The following PRKN variants were observed in gnomAD, a reference collection of about 807,000 sequenced individuals.
PRKN encodes E3 ubiquitin-protein ligase parkin.
PRKN carries 56 observed loss-of-function variants against 59.5 expected under a neutral mutation model. The ratio of observed to expected loss-of-function variants is 0.94; its 90% CI spans 0.76 to 1.18. The LOEUF (loss-of-function observed/expected upper bound fraction) is 1.18, where lower values mean the gene tolerates loss of function less well. Ranked by LOEUF, PRKN falls within the 50% of genes most tolerant of loss-of-function variation. PRKN has a pLI of 0.00. For missense variants in PRKN, 657 were observed against 596.4 expected, an observed-to-expected ratio of 1.10 and a Z score of -1.06; for synonymous variants, 250 against 222.1, an observed-to-expected ratio of 1.13 and a Z score of -1.12.
chr6:162,057,923 A>T (rs1220425696), intron 4 of PRKN, among the ~76,000 whole-genome samples: 2 of 152,214 alleles, frequency 1.3e-5, no homozygotes, highest in African/African-American at 4.8e-5. Context: ...CATATTCAAC[A>T]GAGGATTTTA....
chr6:162,707,521 T>G (rs771978486), intron 1 of PRKN, among the ~76,000 whole-genome samples: 15 of 152,174 alleles, frequency 9.9e-5, no homozygotes, highest in Non-Finnish European at 2.1e-4. Flanking sequence ...TGTATTGATT[T>G]TAAAAATTTC....
intron 7 of PRKN, among the ~76,000 whole-genome samples, chr6:161,577,528 C>T (rs930618979): frequency 2.0e-5 from 3 of 152,212 alleles, no homozygotes; most frequent in Admixed American, 1.3e-4. Flanking sequence ...AATTAGTAGA[C>T]ATAACTTATC....
chr6:161,558,084 C>T (rs1000068201), intron 8 of PRKN, among the ~76,000 whole-genome samples: 1 of 152,156 alleles, frequency 6.6e-6, no homozygotes, highest in Non-Finnish European at 1.5e-5. Context: ...CTTTGCTGCT[C>T]GGTTAATTCT....
chr6:161,854,318 A>C (rs1257707690), intron 6 of PRKN, among the ~76,000 whole-genome samples: 2 of 152,036 alleles, frequency 1.3e-5, no homozygotes, highest in Non-Finnish European at 2.9e-5. Flanking sequence ...TTAAGATTAA[A>C]AAATATTAAA....
intron 2 of PRKN, among the ~76,000 whole-genome samples, chr6:162,381,523 A>C (rs1251626206): frequency 6.6e-6 from 1 of 152,190 alleles, no homozygotes; most frequent in African/African-American, 2.4e-5. Context: ...TTATAATTAC[A>C]GTAGCTTAAA....
At chr6:162,540,714 C>T (rs1025637415) in intron 1 of PRKN, among the ~76,000 whole-genome samples, 4 of 149,158 alleles carry the variant, frequency 2.7e-5, no homozygotes, top group Non-Finnish European at 4.4e-5. Context: ...GGCTGAGGCA[C>T]GAGAATCACT....
At chr6:162,006,699 T>C (rs7755404) in intron 5 of PRKN, among the ~76,000 whole-genome samples, 84,932 of 152,000 alleles carry the variant, frequency 0.56, 23,883 homozygotes, top group Admixed American at 0.62. Context: ...CCTTTGCACA[T>C]CTGGCTCAAT....
intron 9 of PRKN, among the ~76,000 whole-genome samples, chr6:161,534,405 A>G (rs495991): frequency 0.84 from 127,714 of 152,142 alleles, 53,850 homozygotes; most frequent in Middle Eastern, 0.88. Context: ...GAATGCAGGC[A>G]TCGTTGCTGA....
At chr6:162,435,316 C>T (rs560035127) in intron 2 of PRKN, among the ~76,000 whole-genome samples, 23 of 152,082 alleles carry the variant, frequency 1.5e-4, no homozygotes, top group African/African-American at 3.6e-4. Context: ...GACTATATAT[C>T]TTCAGCATCT....
At chr6:162,607,122 T>C (rs972378423) in intron 1 of PRKN, among the ~76,000 whole-genome samples, 1 of 152,146 alleles carries the variant, frequency 6.6e-6, no homozygotes, top group Non-Finnish European at 1.5e-5. Context: ...GAGGTGCCTT[T>C]TGAGACATCC....
chr6:162,058,076 C>T (rs1387822966), intron 4 of PRKN, among the ~76,000 whole-genome samples: 3 of 152,140 alleles, frequency 2.0e-5, no homozygotes, highest in Non-Finnish European at 4.4e-5. Flanking sequence ...TCTACCTTTA[C>T]GGACACTACA....
intron 3 of PRKN, among the ~76,000 whole-genome samples, chr6:162,239,929 CTG>C: frequency 6.6e-6 from 1 of 152,270 alleles, no homozygotes; most frequent in East Asian, 1.9e-4. Context: ...TGGCTTCAGT[CTG>C]TGTTCACAAG....
chr6:162,554,997 T>G (rs1779499127), intron 1 of PRKN, among the ~76,000 whole-genome samples: 1 of 152,162 alleles, frequency 6.6e-6, no homozygotes, highest in Non-Finnish European at 1.5e-5. Context: ...CTTATTCAGT[T>G]CCTTTTATAC....
In PRKN at chr6:161,771,009, C is replaced by T. The variant is rs374980359; in HGVS notation, c.871+14763G>A. On this transcript the variant is annotated intron_variant, in intron 7 of 11. Coordinates refer to ENST00000366898, the MANE Select transcript of PRKN (RefSeq NM_004562.3). ...GAACTGTGGGAAAATTAATTCCTGCCGTTTAAGCCACCCGGGCTGCGGTAT... is the reference window on the plus strand; with the variant it reads ...GAACTGTGGGAAAATTAATTCCTGCTGTTTAAGCCACCCGGGCTGCGGTAT... Among the ~76,000 whole-genome samples, 409 of 152,082 alleles carry T rather than the reference C, an allele frequency of 2.7e-3. 8 individuals carry two copies. The South Asian group carries it at 0.037, about 14-fold the overall frequency.
chr6:161,703,168 C>T (rs1786325564), intron 7 of PRKN, among the ~76,000 whole-genome samples: 1 of 151,912 alleles, frequency 6.6e-6, no homozygotes, highest in South Asian at 2.1e-4. Context: ...ATTAGCCAGG[C>T]ATGGTAGCAC....
chr6:162,124,554 C>G (rs1054322150), intron 4 of PRKN, among the ~76,000 whole-genome samples: 4 of 152,166 alleles, frequency 2.6e-5, no homozygotes, highest in African/African-American at 7.2e-5. Flanking sequence ...TCAAAGATAA[C>G]CGCAGGCTCT....
At chr6:161,699,123 G>C (rs1335774759) in intron 7 of PRKN, among the ~76,000 whole-genome samples, 1 of 152,124 alleles carries the variant, frequency 6.6e-6, no homozygotes, top group East Asian at 1.9e-4. Flanking sequence ...ATGAGCACAT[G>C]AAAAGAGGCT....
chr6:161,718,540 G>T (rs536995449), intron 7 of PRKN, among the ~76,000 whole-genome samples: 1 of 152,162 alleles, frequency 6.6e-6, no homozygotes, highest in Non-Finnish European at 1.5e-5. Context: ...CCCAATTTCA[G>T]GGGGCTAGAG....
intron 1 of PRKN, among the ~76,000 whole-genome samples, chr6:162,500,691 T>C (rs191441528): frequency 1.5e-3 from 227 of 152,300 alleles, no homozygotes; most frequent in African/African-American, 5.1e-3. Flanking sequence ...TGCTAACAAA[T>C]AGATTGGCTG....
Sources: allele counts gnomAD v4.1 joint callset (sites outside exome capture counted in the v4.1 genomes callset), GRCh38; gene constraint gnomAD v4.1.1; transcripts MANE v1.5; gene names NCBI Gene and HGNC (gene_info 2026-07-23, HGNC 2026-07-21).